SLC25A21: variants seen among roughly 807,000 people sequenced by gnomAD.
The protein encoded by SLC25A21 is solute carrier family 25 member 21, also known as mitochondrial 2-oxodicarboxylate carrier.
Under a neutral mutation model 43.8 loss-of-function variants are expected in SLC25A21, and 47 were observed. The ratio of observed to expected loss-of-function variants is 1.07; its 90% CI spans 0.85 to 1.37. SLC25A21 has a LOEUF of 1.37. SLC25A21 is among the 40% of genes most tolerant of loss of function. The pLI, the probability that SLC25A21 is intolerant of heterozygous loss-of-function variation, is 0.00. For missense variants in SLC25A21, 352 were observed against 350.2 expected (o/e 1.00, Z -0.04); for synonymous variants, 131 against 121.3 (o/e 1.08, Z -0.52).
intron 1 of SLC25A21, chr14:37,098,503 A>T (rs1962744500): frequency 6.6e-6 from 1 of 152,224 alleles, no homozygotes; most frequent in Admixed American, 6.5e-5. Flanking sequence ...GTCTTTTAAC[A>T]GTCTACAGAA....
chr14:36,881,315 T>C (rs1366311465), intron 1 of SLC25A21, among the ~76,000 whole-genome samples: 1 of 151,198 alleles, frequency 6.6e-6, no homozygotes, highest in Non-Finnish European at 1.5e-5. Context: ...ACAAGGCTGA[T>C]TTCTGGCAAG....
At chr14:37,008,609 A>G (rs1372248140) in intron 1 of SLC25A21, among the ~76,000 whole-genome samples, 1 of 152,208 alleles carries the variant, frequency 6.6e-6, no homozygotes. Context: ...TCCACCTGTT[A>G]GAGAAGCACC....
chr14:36,808,236 A>G (rs1888113861), intron 3 of SLC25A21, among the ~76,000 whole-genome samples: 1 of 152,226 alleles, frequency 6.6e-6, no homozygotes, highest in Non-Finnish European at 1.5e-5. Flanking sequence ...CCAATGCCCA[A>G]GAATTTTTCA....
intron 3 of SLC25A21, among the ~76,000 whole-genome samples, chr14:36,781,056 C>G (rs1281200172): frequency 6.6e-6 from 1 of 152,068 alleles, no homozygotes; most frequent in Admixed American, 6.6e-5. Context: ...GAGGAATTGA[C>G]TTCTTTATTA....
At chr14:37,075,965 G>A (rs1355259813) in intron 1 of SLC25A21, among the ~76,000 whole-genome samples, 1 of 152,216 alleles carries the variant, frequency 6.6e-6, no homozygotes, top group Non-Finnish European at 1.5e-5. Flanking sequence ...TCCAAATGAT[G>A]AGGGCCAGCG....
chr14:36,832,076 T>C (rs59602441), intron 2 of SLC25A21, among the ~76,000 whole-genome samples: 13,222 of 152,180 alleles, frequency 0.087, 801 homozygotes, highest in East Asian at 0.31. Context: ...ACTGTCAGTG[T>C]AGTCTTAAAG....
At chr14:37,116,977 T>C (rs1963117828) in intron 1 of SLC25A21, among the ~76,000 whole-genome samples, 1 of 152,186 alleles carries the variant, frequency 6.6e-6, no homozygotes, top group Non-Finnish European at 1.5e-5. Flanking sequence ...TCAGATCCTT[T>C]GACATGGCGG....
intron 4 of SLC25A21, among the ~76,000 whole-genome samples, chr14:36,731,353 T>G (rs1884818099): frequency 6.6e-6 from 1 of 152,208 alleles, no homozygotes; most frequent in African/African-American, 2.4e-5. Flanking sequence ...TGAGCAGTCC[T>G]AGAGCTGAAT....
At chr14:36,688,683 A>G (rs1319793304) in intron 7 of SLC25A21, among the ~76,000 whole-genome samples, 1 of 152,230 alleles carries the variant, frequency 6.6e-6, no homozygotes, top group Non-Finnish European at 1.5e-5. Flanking sequence ...AGGTTAAAAC[A>G]TGCCTTCCCC....
rs142727915 is a variant in SLC25A21 at position 36,820,007 on chromosome 14, G to T, written c.120-6006C>A. ...CTGAGGCTACATTTGCATAGCACAC[G>T]ACTCTGCTTTTTAGTTAGATCATAT... On this transcript the variant is annotated intron_variant, in intron 2 of 9. Transcript: ENST00000331299. Among the ~76,000 whole-genome samples the T allele has an allele frequency of 2.8e-3, 433 of 152,232 alleles. 1 individual carries two copies. Among genetic ancestry groups the T allele is most frequent in the Non-Finnish European group, 4.6e-3 (314 of 68,010 alleles).
At chr14:36,862,823 T>A (rs1890111431) in intron 2 of SLC25A21, among the ~76,000 whole-genome samples, 1 of 152,234 alleles carries the variant, frequency 6.6e-6, no homozygotes, top group Non-Finnish European at 1.5e-5. Flanking sequence ...ATATCCCGTT[T>A]GTTTTTAATT....
intron 6 of SLC25A21, among the ~76,000 whole-genome samples, chr14:36,718,266 T>C (rs1455561786): frequency 6.6e-6 from 1 of 152,218 alleles, no homozygotes; most frequent in Non-Finnish European, 1.5e-5. Flanking sequence ...GCTTTAGATA[T>C]TATTGAAAGA....
At chr14:36,851,540 A>G (rs184379527) in intron 2 of SLC25A21, among the ~76,000 whole-genome samples, 124 of 152,332 alleles carry the variant, frequency 8.1e-4, no homozygotes, top group Admixed American at 1.3e-3. Context: ...TATGAATAAC[A>G]TAATATGCTT....
At chr14:36,977,954 T>TAAAAA (rs36000189) in intron 1 of SLC25A21, among the ~76,000 whole-genome samples, 6 of 121,098 alleles carry the variant, frequency 5.0e-5, no homozygotes, top group African/African-American at 1.7e-4. Flanking sequence ...TTTTTTTTTT[T>TAAAAA]AAAAAAAAAA....
intron 1 of SLC25A21, among the ~76,000 whole-genome samples, chr14:37,027,746 T>C (rs1198163181): frequency 6.6e-6 from 1 of 152,198 alleles, no homozygotes; most frequent in East Asian, 1.9e-4. Context: ...TGAAAACAGC[T>C]GTTTGGCCTG....
chr14:36,939,723 C>A (rs1158125787), intron 1 of SLC25A21, among the ~76,000 whole-genome samples: 2 of 152,022 alleles, frequency 1.3e-5, no homozygotes. Flanking sequence ...GGCATACAAA[C>A]CATTCTACTT....
At chr14:36,960,921 A>G (rs1959474303) in intron 1 of SLC25A21, among the ~76,000 whole-genome samples, 2 of 152,366 alleles carry the variant, frequency 1.3e-5, no homozygotes, top group South Asian at 4.1e-4. Flanking sequence ...AAGTGCACAC[A>G]GTATGCACAA....
chr14:37,055,117 T>C (rs1961792791), intron 1 of SLC25A21, among the ~76,000 whole-genome samples: 1 of 152,146 alleles, frequency 6.6e-6, no homozygotes, highest in South Asian at 2.1e-4. Context: ...ATGTTAGGTG[T>C]ATAGGGGGTG....
intron 2 of SLC25A21, among the ~76,000 whole-genome samples, chr14:36,817,735 C>T (rs1394835075): frequency 6.6e-6 from 1 of 152,190 alleles, no homozygotes; most frequent in Non-Finnish European, 1.5e-5. Flanking sequence ...CAAGCACGTC[C>T]TATGTCTAGA....
Sources: allele counts gnomAD v4.1 joint callset (sites outside exome capture counted in the v4.1 genomes callset), GRCh38; gene constraint gnomAD v4.1.1; transcripts MANE v1.5; gene names NCBI Gene and HGNC (gene_info 2026-07-23, HGNC 2026-07-21).